Variants in ABCC3 observed in about 807,000 individuals in gnomAD.
ABCC3 encodes the protein ATP binding cassette subfamily C member 3.
Under a neutral mutation model 165.3 loss-of-function variants are expected in ABCC3, and 121 were observed. The ratio of observed to expected loss-of-function variants is 0.73; its 90% CI spans 0.63 to 0.85. ABCC3 has a LOEUF of 0.85. ABCC3 is among the 40% of genes least tolerant of loss of function. The probability of loss-of-function intolerance (pLI) is 0.00; values close to 1 mark genes in which losing one functional copy is unlikely to be tolerated. For missense variants in ABCC3, 1,869 were observed against 1,964.1 expected, an observed-to-expected ratio of 0.95 and a Z score of 0.92; for synonymous variants, 733 against 810.1, an observed-to-expected ratio of 0.90 and a Z score of 1.62.
intron 19 of ABCC3, among the ~76,000 whole-genome samples, chr17:50,673,900 T>TTTTCTTTCCTTCTTTC (rs1967705767): frequency 1.5e-5 from 2 of 131,514 alleles, no homozygotes; most frequent in African/African-American, 2.8e-5. Flanking sequence ...TCAGAGCCTG[T>TTTTCTTTCCTTCTTTC]TTTCTTTCTT....
rs1482768435 is a variant in ABCC3 at position 50,655,984 on chromosome 17, CTCCCACCTGTCCAAGCTCAAGA to C, written c.200_221del (p.Ser67TrpfsTer49). The C allele has an allele frequency of 3.7e-6, 6 of 1,614,108 alleles. No individual in the cohort carries two copies. The highest frequency in any genetic ancestry group is 1.7e-5 in the Admixed American group (1 of 60,018). On this transcript the variant is annotated frameshift_variant and splice_region_variant, in exon 2 of 31. Coordinates refer to ENST00000285238, the MANE Select transcript of ABCC3 (RefSeq NM_003786.4). LOFTEE classifies it high-confidence loss of function. Reference sequence around the variant, plus strand: ...ACCATTGTCGTGGCTACATCATCCTCTCCCACCTGTCCAAGCTCAAGATGGTCAGTGGCTCAGGGATCTCCTA... The same window carrying C: ...ACCATTGTCGTGGCTACATCATCCTCTGGTCAGTGGCTCAGGGATCTCCTA...
intron 1 of ABCC3, chr17:50,643,623 G>C (rs1291002623): frequency 2.2e-6 from 1 of 456,326 alleles, no homozygotes; most frequent in Admixed American, 2.3e-5. Flanking sequence ...TCCAGGGAAG[G>C]GGATCTCTCT....
Position 50,691,073 on chromosome 17 carries a change from TTCTC to T in ABCC3, c.4476-15_4476-12del, listed in dbSNP as rs1192065000. Reference sequence around the variant, plus strand: ...TCAGGGCTGATGGAAACCTGACCACTTCTCTCTTTTTTGACTAGGGTCCTGGTCC... The same window carrying T: ...TCAGGGCTGATGGAAACCTGACCACTTCTTTTTTGACTAGGGTCCTGGTCC... On this transcript the variant is annotated splice_polypyrimidine_tract_variant and intron_variant, in intron 30 of 30. Coordinates refer to ENST00000285238, the MANE Select transcript of ABCC3 (RefSeq NM_003786.4). 6.3e-7 allele frequency: 1 copy of T among 1,599,876 alleles called. No individual in the cohort carries two copies. Among genetic ancestry groups the T allele is most frequent in the East Asian group, 2.2e-5 (1 of 44,824 alleles).
At chr17:50,635,265 G>C (rs1465408829) in intron 1 of ABCC3, 3 of 625,988 alleles carry the variant, frequency 4.8e-6, no homozygotes, top group Non-Finnish European at 8.6e-6. Flanking sequence ...GGGCGCAAAG[G>C]CACAGTGCGT....
intron 1 of ABCC3, among the ~76,000 whole-genome samples, chr17:50,643,133 C>T (rs952634464): frequency 1.3e-5 from 2 of 152,208 alleles, no homozygotes; most frequent in African/African-American, 4.8e-5. Flanking sequence ...GCTGGGGTGC[C>T]CCAGAGAGGC....
At chr17:50,635,314 G>T (rs1455294833) in intron 1 of ABCC3, 2 of 628,454 alleles carry the variant, frequency 3.2e-6, no homozygotes, top group South Asian at 3.6e-5. Context: ...CCTCCGTCGG[G>T]TGCGGAAGGG....
chr17:50,667,476 G>A (rs1038780303), intron 11 of ABCC3, 78 bp from the exon 12 acceptor site: 2 of 1,297,976 alleles, frequency 1.5e-6, no homozygotes, highest in South Asian at 1.4e-5. Context: ...GATGAGAATG[G>A]ATGGAAGGTA....
intron 10 of ABCC3, 43 bp downstream of exon 10, chr17:50,664,154 C>G: frequency 6.2e-7 from 1 of 1,608,010 alleles, no homozygotes; most frequent in Non-Finnish European, 8.5e-7. Context: ...CTCTGACATG[C>G]TGCAGAAGTG....
In ABCC3 at chr17:50,687,676, C is replaced by T. The variant is rs768973954; in HGVS notation, c.4421C>T (p.Thr1474Ile). Residue 1474 changes from threonine (T) to isoleucine (I), a missense_variant, in exon 30 of 31, where the codon ACC (threonine) becomes ATC (isoleucine). Thr to Ile is a moderately conservative substitution (Grantham distance 89). Transcript: ENST00000285238. Reference sequence around the variant, plus strand: ...GCTACCATCCGCACCCAGTTTGATACCTGCACTGTCCTGACCATCGCACAC... The same window carrying T: ...GCTACCATCCGCACCCAGTTTGATATCTGCACTGTCCTGACCATCGCACAC... ...IQATIRTQFD[T>I]CTVLTIAHRL... 3.1e-6 allele frequency: 5 copies of T among 1,614,130 alleles called. No homozygotes were observed. The highest frequency in any genetic ancestry group is 4.2e-6 in the Non-Finnish European group (5 of 1,180,048).
chr17:50,671,670 G>T (rs898292232), intron 17 of ABCC3, among the ~76,000 whole-genome samples: 5 of 145,522 alleles, frequency 3.4e-5, no homozygotes, highest in African/African-American at 1.0e-4. Context: ...AGGGGACCGA[G>T]CATGCTAGCT....
At chr17:50,672,831 C>T in intron 17 of ABCC3, 140 bp from the exon 18 acceptor site, 3 of 704,344 alleles carry the variant, frequency 4.3e-6, no homozygotes, top group Non-Finnish European at 6.9e-6. Flanking sequence ...AAGATCGCAC[C>T]ACTGCACTCC....
rs761086760 is a variant in ABCC3, at chr17:50,684,093, A to AC, written c.4101dup (p.Ile1368HisfsTer94). ...CCTCCATGACCTGCGCTCTCAGCTG[A>AC]CCATCATCCCGCAGGTAGGAGCCTG... is the stretch of plus-strand genomic sequence containing the variant. On this transcript the variant is annotated frameshift_variant, in exon 28 of 31. Coordinates refer to ENST00000285238, the MANE Select transcript of ABCC3 (RefSeq NM_003786.4). LOFTEE classifies it high-confidence loss of function. The AC allele has an allele frequency of 6.2e-7, 1 of 1,612,792 alleles. No individual in the cohort carries two copies. Among genetic ancestry groups the AC allele is most frequent in the Non-Finnish European group, 8.5e-7 (1 of 1,179,524 alleles).
At chr17:50,635,046 G>A in intron 1 of ABCC3, 65 bp downstream of exon 1, 1 of 1,241,582 alleles carries the variant, frequency 8.1e-7, no homozygotes, top group Non-Finnish European at 1.0e-6. Flanking sequence ...CCCGGTCCCC[G>A]CCGCCTGCCT....
intron 4 of ABCC3, 47 bp from the exon 5 acceptor site, chr17:50,658,034 GC>G (rs772284756): frequency 6.2e-7 from 1 of 1,613,132 alleles, no homozygotes; most frequent in Non-Finnish European, 8.5e-7. Flanking sequence ...GGGGCTGCAG[GC>G]CCAGGCTTTT....
chr17:50,667,728 A>G lies in ABCC3; in HGVS notation c.1606A>G (p.Thr536Ala), dbSNP rs1157995617. The G allele has an allele frequency of 3.1e-6, 5 of 1,613,820 alleles. No individual in the cohort carries two copies. Among genetic ancestry groups the G allele is most frequent in the Non-Finnish European group, 4.2e-6 (5 of 1,180,020 alleles). The change falls in exon 12 of 31, where the codon ACC (threonine) becomes GCC (alanine). Residue 536 changes from threonine (T) to alanine (A), a missense_variant. Coordinates refer to ENST00000285238, the MANE Select transcript of ABCC3 (RefSeq NM_003786.4). The stretch of plus-strand genomic sequence containing the variant: ...GGCGGCCTACCTCCACACCACAACC[A>G]CCTTCACCTGGATGTGCAGCCCCTT... ...RTAAYLHTTT[T>A]FTWMCSPFLV...
chr17:50,658,393 T>C (rs758802894), intron 5 of ABCC3, 42 bp from the exon 6 acceptor site: 4 of 1,598,080 alleles, frequency 2.5e-6, no homozygotes, highest in East Asian at 4.5e-5. Flanking sequence ...GAGAGGGTGG[T>C]GGGCACTCCT....
At chr17:50,635,592 C>T in intron 1 of ABCC3, 1 of 702,610 alleles carries the variant, frequency 1.4e-6, no homozygotes, top group Admixed American at 2.0e-5. Context: ...AGACCCCAGT[C>T]TGGAGACAGG....
At chr17:50,672,870 G>GAA (rs376786367) in intron 17 of ABCC3, 101 bp from the exon 18 acceptor site, 2,141 of 951,698 alleles carry the variant, frequency 2.2e-3, no homozygotes, top group Non-Finnish European at 2.5e-3. Context: ...CCCATCTCAG[G>GAA]AAAAAAAAAA....
At chr17:50,638,257 G>A (rs1288243168) in intron 1 of ABCC3, among the ~76,000 whole-genome samples, 1 of 152,194 alleles carries the variant, frequency 6.6e-6, no homozygotes, top group Non-Finnish European at 1.5e-5. Flanking sequence ...GTGGTGAAGG[G>A]AGTATGTGGA....
Sources: gnomAD v4.1 joint callset for allele counts (sites outside exome capture counted in the v4.1 genomes callset) on GRCh38, gnomAD v4.1.1 for gene constraint, MANE v1.5 for transcripts, NCBI Gene and HGNC (gene_info 2026-07-23, HGNC 2026-07-21) for gene names.